The following SLC25A48 variants were observed in gnomAD, a reference collection of about 807,000 sequenced individuals.
The protein encoded by SLC25A48 is CTC-321K16.1.
Under a neutral mutation model 32.2 loss-of-function variants are expected in SLC25A48, and 29 were observed. The observed-to-expected ratio is 0.90, with a 90% CI of 0.67 to 1.23. The LOEUF (loss-of-function observed/expected upper bound fraction) is 1.23. SLC25A48 is among the 50% of genes most tolerant of loss of function. The probability of loss-of-function intolerance (pLI) is 0.00; values close to 1 mark genes in which losing one functional copy is unlikely to be tolerated. For missense variants in SLC25A48, 399 were observed against 422.7 expected, an observed-to-expected ratio of 0.94 and a Z score of 0.49; for synonymous variants, 164 against 172.3, an observed-to-expected ratio of 0.95 and a Z score of 0.38.
At chr5:135,866,081 C>T (rs977201442) in intron 4 of SLC25A48, among the ~76,000 whole-genome samples, 5 of 152,176 alleles carry the variant, frequency 3.3e-5, no homozygotes, top group African/African-American at 1.2e-4. Flanking sequence ...CGTGAAAACC[C>T]ACACATCCCT....
intron 3 of SLC25A48, among the ~76,000 whole-genome samples, chr5:135,785,009 T>A (rs1756799970): frequency 6.7e-6 from 1 of 150,116 alleles, no homozygotes; most frequent in Non-Finnish European, 1.5e-5. Flanking sequence ...TTTTTCTTAA[T>A]ATCATAAGGT....
At chr5:135,742,524 C>T (rs967094870) in intron 3 of SLC25A48, 33 of 1,516,590 alleles carry the variant, frequency 2.2e-5, no homozygotes, top group Non-Finnish European at 2.5e-5. Flanking sequence ...CCAACACTGC[C>T]TTTCCCAAAC....
chr5:135,841,582 T>C (rs2126701359), intron 1 of SLC25A48, among the ~76,000 whole-genome samples: 1 of 152,246 alleles, frequency 6.6e-6, no homozygotes, highest in South Asian at 2.1e-4. Context: ...TTGGGAGAAG[T>C]GGCCAAAGCA....
intron 3 of SLC25A48, among the ~76,000 whole-genome samples, chr5:135,739,013 C>G (rs973453372): frequency 1.3e-5 from 2 of 152,188 alleles, no homozygotes; most frequent in African/African-American, 4.8e-5. Flanking sequence ...ACCCCGGAGG[C>G]AGAGGTTGCA....
chr5:135,784,099 G>T (rs1756782111), intron 3 of SLC25A48, among the ~76,000 whole-genome samples: 1 of 115,876 alleles, frequency 8.6e-6, no homozygotes, highest in Non-Finnish European at 2.1e-5. Context: ...CTGTGATGTT[G>T]TTCCTAATAT....
intron 4 of SLC25A48, among the ~76,000 whole-genome samples, chr5:135,855,169 G>T (rs1372164693): frequency 6.6e-6 from 1 of 152,186 alleles, no homozygotes; most frequent in African/African-American, 2.4e-5. Context: ...TGAAAATATT[G>T]TGAGAATTAT....
chr5:135,793,485 TA>T (rs1472984972), intron 3 of SLC25A48, among the ~76,000 whole-genome samples: 1 of 151,960 alleles, frequency 6.6e-6, no homozygotes, highest in Non-Finnish European at 1.5e-5. Flanking sequence ...ATTACTGTCC[TA>T]ATATCGCAGT....
chr5:135,850,533 TG>T (rs1192688192), intron 3 of SLC25A48, 37 bp downstream of exon 3: 5 of 1,606,694 alleles, frequency 3.1e-6, no homozygotes, highest in Non-Finnish European at 4.3e-6. Flanking sequence ...GATGCCTGCC[TG>T]GGCCCCCACA....
chr5:135,815,552 G>T (rs777802058), intron 4 of SLC25A48, among the ~76,000 whole-genome samples: 1 of 152,148 alleles, frequency 6.6e-6, no homozygotes, highest in Non-Finnish European at 1.5e-5. Flanking sequence ...AGGCCTGAGG[G>T]GCTGCCTTTG....
At position 135,629,636 on chromosome 5, in the gene SLC25A48, C is replaced by T. The variant is rs1199469184; in HGVS notation, c.-709+260C>T. Among the ~76,000 whole-genome samples, 7 of 152,218 alleles carry T rather than the reference C, an allele frequency of 4.6e-5. No homozygotes were observed. The East Asian group carries it at 7.7e-4, about 17-fold the overall frequency. ...TTAGCCAGCAGGCTGACTCTGTGGG[C>T]GCCTGAGGATGCATCAGGCTCAACA... On this transcript the variant is annotated intron_variant, in intron 2 of 10. Coordinates refer to the SLC25A48 transcript ENST00000646290. This position sits in a 1 kb window ranked among gnomAD's most constrained non-coding sequence, Gnocchi z 4.8.
chr5:135,636,142 A>T (rs949382937), intron 3 of SLC25A48, among the ~76,000 whole-genome samples: 12 of 152,198 alleles, frequency 7.9e-5, no homozygotes, highest in Admixed American at 3.9e-4. Flanking sequence ...TGACCACCAG[A>T]TTGCCCACAT....
At chr5:135,684,144 A>C (rs991062243) in intron 3 of SLC25A48, among the ~76,000 whole-genome samples, 1 of 152,178 alleles carries the variant, frequency 6.6e-6, no homozygotes, top group African/African-American at 2.4e-5. Flanking sequence ...CACAAAATGA[A>C]AAATCCATGA....
chr5:135,884,196 C>T (rs1762642269), intron 7 of SLC25A48, among the ~76,000 whole-genome samples: 1 of 152,234 alleles, frequency 6.6e-6, no homozygotes. Context: ...CAACCACCCC[C>T]TGCCTTTGAG....
chr5:135,611,656 G>A lies in SLC25A48; in HGVS notation c.-848-17581G>A, dbSNP rs1752074965. Among the ~76,000 whole-genome samples the A allele has an allele frequency of 5.3e-5, 8 of 152,236 alleles. No individual in the cohort carries two copies. In the South Asian group the frequency reaches 1.7e-3, roughly 32 times the overall value. ...GCACCTGGGAGGTGGAGGTTGCAGT[G>A]AGCTGAGACTGCACCTCTGCACGCC... is the stretch of plus-strand genomic sequence containing the variant. On this transcript the variant is annotated intron_variant, in intron 1 of 10. Coordinates refer to the SLC25A48 transcript ENST00000646290.
chr5:135,666,734 T>A (rs1207140654), intron 3 of SLC25A48, among the ~76,000 whole-genome samples: 1 of 151,752 alleles, frequency 6.6e-6, no homozygotes, highest in Non-Finnish European at 1.5e-5. Flanking sequence ...AGGAACCCAA[T>A]TGAGAGTTGT....
At position 135,795,845 on chromosome 5, in the gene SLC25A48, A is replaced by T. The variant is rs560631004; in HGVS notation, c.-520-16678A>T. On this transcript the variant is annotated intron_variant, in intron 3 of 10. Transcript: ENST00000646290. ...GGGGGAGAGGGTGATATTACTCCCC[A>T]TATCGCTGGAGTTGTACATCCCCGA... is the stretch of plus-strand genomic sequence containing the variant. Among the ~76,000 whole-genome samples, 3 of 148,506 alleles carry T rather than the reference A, an allele frequency of 2.0e-5. No homozygotes were observed. The Admixed American group carries it at 2.0e-4, about 10-fold the overall frequency.
At chr5:135,864,479 G>A (rs192723193) in intron 4 of SLC25A48, among the ~76,000 whole-genome samples, 3 of 152,150 alleles carry the variant, frequency 2.0e-5, no homozygotes, top group Admixed American at 6.5e-5. Context: ...ATGTAGAAAG[G>A]CAGGAACCCT....
At chr5:135,773,745 T>A (rs1188248605) in intron 3 of SLC25A48, among the ~76,000 whole-genome samples, 3 of 151,036 alleles carry the variant, frequency 2.0e-5, no homozygotes, top group Non-Finnish European at 4.4e-5. Context: ...TGTGACATTG[T>A]TTCTAATATA....
intron 1 of SLC25A48, among the ~76,000 whole-genome samples, chr5:135,588,298 C>G (rs537307943): frequency 6.6e-6 from 1 of 152,354 alleles, no homozygotes; most frequent in African/African-American, 2.4e-5. Flanking sequence ...GGAAAAAAAG[C>G]CACTAACACA....
Sources: gnomAD v4.1 joint callset for allele counts (sites outside exome capture counted in the v4.1 genomes callset) on GRCh38, gnomAD v4.1.1 for gene constraint, Gnocchi (gnomAD v3.1) non-coding constraint, MANE v1.5 for transcripts, NCBI Gene and HGNC (gene_info 2026-07-23, HGNC 2026-07-21) for gene names.